The following PDE4D variants were observed in gnomAD, a reference collection of about 807,000 sequenced individuals.
PDE4D encodes the protein phosphodiesterase 4D, also known as 3',5'-cyclic-AMP phosphodiesterase 4D.
A neutral mutation model predicts 87.4 loss-of-function variants in PDE4D; 24 were observed. That is an observed-to-expected ratio of 0.27 (90% CI 0.20 to 0.39). PDE4D has a LOEUF of 0.39. Among genes scored for constraint, PDE4D ranks in the 10% least tolerant of loss-of-function variants. The pLI is 1.00. For missense variants in PDE4D, 714 were observed against 1,041.0 expected (o/e 0.69, Z 4.32); for synonymous variants, 384 against 383.2 (o/e 1.00, Z -0.02).
At chr5:60,184,946 C>T (rs949193529) in intron 2 of PDE4D, among the ~76,000 whole-genome samples, 1 of 152,064 alleles carries the variant, frequency 6.6e-6, no homozygotes, top group Non-Finnish European at 1.5e-5. Context: ...CTTTGAGTTG[C>T]TCTATTTGCT....
At position 60,029,513 on chromosome 5, in the gene PDE4D, T is replaced by C. The variant is rs184844743; in HGVS notation, c.43-40796A>G. Reference sequence around the variant, plus strand: ...CACTTCTTACATACATTGATTGATGTCTCATGTCTCTCTAAAATGTATAAA... The same window carrying C: ...CACTTCTTACATACATTGATTGATGCCTCATGTCTCTCTAAAATGTATAAA... On this transcript the variant is annotated intron_variant, in intron 2 of 16. Coordinates refer to the PDE4D transcript ENST00000502484. 2.3e-3 allele frequency among the ~76,000 whole-genome samples: 343 copies of C among 152,290 alleles called. 2 individuals carry two copies. The highest frequency in any genetic ancestry group is 7.9e-3 in the African/African-American group (330 of 41,558).
chr5:60,507,221 C>G (rs1402416122), intron 1 of PDE4D, among the ~76,000 whole-genome samples: 13 of 152,002 alleles, frequency 8.6e-5, no homozygotes, highest in Non-Finnish European at 5.9e-5. Flanking sequence ...ACTACAGGCA[C>G]CCGCCACTAT....
Position 59,771,451 on chromosome 5 carries a change from A to G in PDE4D, c.455+121717T>C, listed in dbSNP as rs1337247306. Among the ~76,000 whole-genome samples the G allele has an allele frequency of 3.9e-3, 307 of 77,938 alleles. 4 individuals are homozygous for G. Among genetic ancestry groups the G allele is most frequent in the African/African-American group, 0.018 (291 of 16,048 alleles). 51.1% of individuals were successfully genotyped at this position (77,938 alleles called of 152,430 possible). On this transcript the variant is annotated intron_variant, in intron 1 of 14. Transcript: ENST00000340635. ...AAAAAGAAAAAGAAAGAAAGAAAGA[A>G]AGAAAGAAAGAAAGAAAGAAAGAAA...
upstream of PDE4D, among the ~76,000 whole-genome samples, chr5:59,897,106 T>G (rs974700804): frequency 7.2e-5 from 11 of 152,304 alleles, no homozygotes; most frequent in Admixed American, 7.2e-4. Flanking sequence ...CACATCTATA[T>G]AAAAAGTAAA....
At chr5:60,515,605 T>TC (rs1456416592) in intron 1 of PDE4D, among the ~76,000 whole-genome samples, 5 of 84,136 alleles carry the variant, frequency 5.9e-5, no homozygotes, top group Non-Finnish European at 1.3e-4. Context: ...CTTTTTCTTT[T>TC]TTTTTTTTTT....
At chr5:59,305,899 A>AG (rs1244541317) in intron 1 of PDE4D, among the ~76,000 whole-genome samples, 1 of 152,120 alleles carries the variant, frequency 6.6e-6, no homozygotes, top group Non-Finnish European at 1.5e-5. Flanking sequence ...ATATCTGTTA[A>AG]GTCCATTTGT....
Position 59,257,521 on chromosome 5 carries a change from A to G in PDE4D, c.456-41553T>C, listed in dbSNP as rs190548222. Among the ~76,000 whole-genome samples, 281 of 152,138 alleles carry G rather than the reference A, an allele frequency of 1.8e-3. 1 individual carries two copies. The highest frequency in any genetic ancestry group is 6.5e-3 in the African/African-American group (271 of 41,546). ...GGCCAATATTACATTCTTTGGGAAA[A>G]CTATTCCAACCATTTGGTAGAATTT... On this transcript the variant is annotated intron_variant, in intron 1 of 14. Transcript: ENST00000340635.
At chr5:59,613,515 T>C (rs1005158640) in intron 1 of PDE4D, among the ~76,000 whole-genome samples, 6 of 152,138 alleles carry the variant, frequency 3.9e-5, no homozygotes, top group Non-Finnish European at 8.8e-5. Context: ...GACAGAAGAC[T>C]GCAAGGACTA....
chr5:60,159,820 C>A (rs891941111), intron 2 of PDE4D, among the ~76,000 whole-genome samples: 1 of 152,180 alleles, frequency 6.6e-6, no homozygotes, highest in African/African-American at 2.4e-5. Flanking sequence ...AATGAGATGT[C>A]AGGAGAATTT....
Position 59,574,005 on chromosome 5 carries a change from A to AATAT in PDE4D, c.455+319159_455+319162dup, listed in dbSNP as rs1240300945. Among the ~76,000 whole-genome samples the AATAT allele has an allele frequency of 1.0e-3, 120 of 119,670 alleles. 4 individuals are homozygous for AATAT. The highest frequency in any genetic ancestry group is 2.6e-3 in the African/African-American group (73 of 28,506). 78.5% of individuals were successfully genotyped at this position (119,670 alleles called of 152,430 possible). On this transcript the variant is annotated intron_variant, in intron 1 of 14. Transcript: ENST00000340635. The stretch of plus-strand genomic sequence containing the variant: ...AAAGGGAGACTCTGTCTCAAAAAAA[A>AATAT]ATATATATATATATATATATATAAA...
chr5:60,013,513 T>C (rs1765216822), intron 2 of PDE4D, among the ~76,000 whole-genome samples: 1 of 152,174 alleles, frequency 6.6e-6, no homozygotes, highest in Non-Finnish European at 1.5e-5. Flanking sequence ...AAAGATCTAG[T>C]AGCATCTGTG....
chr5:59,484,542 T>C lies in PDE4D; in HGVS notation c.456-268574A>G, dbSNP rs911897974. On this transcript the variant is annotated intron_variant, in intron 1 of 14. Transcript: ENST00000340635. ...TGTGGAGCCAGACCTCATTTCCTTA[T>C]TTTCCTTCTAGAACAAACAAATGAA... is the stretch of plus-strand genomic sequence containing the variant. Among the ~76,000 whole-genome samples, 75 of 152,170 alleles carry C rather than the reference T, an allele frequency of 4.9e-4. 1 individual carries two copies. The highest frequency in any genetic ancestry group is 1.5e-3 in the African/African-American group (61 of 41,446).
At chr5:60,339,282 C>CCATT (rs1345938707) in intron 1 of PDE4D, among the ~76,000 whole-genome samples, 1 of 152,056 alleles carries the variant, frequency 6.6e-6, no homozygotes, top group Non-Finnish European at 1.5e-5. Context: ...GCACTTTGGG[C>CCATT]CATTATTAAG....
upstream of PDE4D, among the ~76,000 whole-genome samples, chr5:60,492,563 T>TA (rs1343290044): frequency 6.6e-6 from 1 of 152,078 alleles, no homozygotes; most frequent in Non-Finnish European, 1.5e-5. Context: ...TATGCAGCCA[T>TA]AAAAAAGGAT....
At chr5:59,640,996 G>A (rs1400242025) in intron 1 of PDE4D, among the ~76,000 whole-genome samples, 1 of 152,000 alleles carries the variant, frequency 6.6e-6, no homozygotes, top group Non-Finnish European at 1.5e-5. Context: ...CCCATATACT[G>A]CTACTCAGAA....
At chr5:59,116,487 A>G (rs1773636360) in intron 5 of PDE4D, among the ~76,000 whole-genome samples, 1 of 151,164 alleles carries the variant, frequency 6.6e-6, no homozygotes, top group Non-Finnish European at 1.5e-5. Flanking sequence ...CGTATATTTT[A>G]CTACCTTTCC....
intron 1 of PDE4D, among the ~76,000 whole-genome samples, chr5:59,582,121 G>T (rs1447765564): frequency 6.6e-6 from 1 of 152,134 alleles, no homozygotes; most frequent in Non-Finnish European, 1.5e-5. Flanking sequence ...TAACCCAGAG[G>T]AAGAGATGTT....
intron 1 of PDE4D, among the ~76,000 whole-genome samples, chr5:60,431,678 G>A (rs901408343): frequency 2.6e-5 from 4 of 152,168 alleles, no homozygotes; most frequent in South Asian, 2.1e-4. Flanking sequence ...GGTGGCAGCC[G>A]GGCAGAGGCT....
chr5:60,029,596 A>AG (rs1213228929), intron 2 of PDE4D, among the ~76,000 whole-genome samples: 1 of 152,200 alleles, frequency 6.6e-6, no homozygotes, highest in Non-Finnish European at 1.5e-5. Context: ...TGAGGCTGTT[A>AG]GGGGTGCACA....
Sources: allele counts gnomAD v4.1 joint callset (sites outside exome capture counted in the v4.1 genomes callset), GRCh38; gene constraint gnomAD v4.1.1; transcripts MANE v1.5; gene names NCBI Gene and HGNC (gene_info 2026-07-23, HGNC 2026-07-21).